The following PDZRN4 variants were observed in gnomAD, a reference collection of about 807,000 sequenced individuals.
PDZRN4 encodes PDZ domain-containing RING finger protein 4.
In PDZRN4, 70 loss-of-function variants were observed where a neutral mutation model predicts 99.0. That is an observed-to-expected ratio of 0.71 (90% CI 0.58 to 0.86). PDZRN4 has a LOEUF of 0.86. Among genes scored for constraint, PDZRN4 ranks in the 40% least tolerant of loss-of-function variants. PDZRN4 has a pLI of 0.00. For synonymous variants in PDZRN4, 551 were observed against 501.6 expected (o/e 1.10, Z -1.32); for missense variants, 1,474 against 1,331.2 (o/e 1.11, Z -1.67).
chr12:41,540,903 CGTTGTT>C (rs199757826), intron 5 of PDZRN4, among the ~76,000 whole-genome samples: 48 of 50,298 alleles, frequency 9.5e-4, no homozygotes, highest in East Asian at 1.7e-3. Flanking sequence ...CCCTTTTCTT[CGTTGTT>C]GTTGTTGTTG....
intron 3 of PDZRN4, among the ~76,000 whole-genome samples, chr12:41,267,473 C>T (rs6582291): frequency 0.16 from 23,899 of 151,860 alleles, 2,997 homozygotes; most frequent in African/African-American, 0.35. Context: ...GGTTTTCCAT[C>T]GAATCAGAGG....
chr12:41,309,903 T>G (rs1225438263), intron 3 of PDZRN4, among the ~76,000 whole-genome samples: 1 of 152,060 alleles, frequency 6.6e-6, no homozygotes, highest in African/African-American at 2.4e-5. Context: ...AAGCTATCTC[T>G]TTTCACTATT....
intron 3 of PDZRN4, among the ~76,000 whole-genome samples, chr12:41,354,934 T>C (rs1951915853): frequency 6.6e-6 from 1 of 152,080 alleles, no homozygotes; most frequent in Admixed American, 6.6e-5. Flanking sequence ...TATATTTCCA[T>C]GTTACTGTAA....
chr12:41,269,471 T>C (rs892115003), intron 3 of PDZRN4, among the ~76,000 whole-genome samples: 2 of 152,184 alleles, frequency 1.3e-5, no homozygotes, highest in African/African-American at 2.4e-5. Context: ...TTTCATGGCT[T>C]CTGATGCATT....
chr12:41,202,245 C>T (rs1339676612), intron 3 of PDZRN4, among the ~76,000 whole-genome samples: 3 of 152,024 alleles, frequency 2.0e-5, no homozygotes, highest in African/African-American at 7.2e-5. Flanking sequence ...TTACCAGTAG[C>T]CCCAGCTGTG....
intron 3 of PDZRN4, among the ~76,000 whole-genome samples, chr12:41,304,732 T>A (rs1951558306): frequency 6.6e-6 from 1 of 152,182 alleles, no homozygotes; most frequent in Non-Finnish European, 1.5e-5. Context: ...GGATAAGAGA[T>A]GCAAGCAAAC....
intron 3 of PDZRN4, among the ~76,000 whole-genome samples, chr12:41,314,618 T>G (rs186956650): frequency 1.2e-4 from 18 of 152,266 alleles, no homozygotes; most frequent in Admixed American, 1.2e-3. Flanking sequence ...CATGCATGAA[T>G]AAAAATGTAG....
At chr12:41,459,723 T>G (rs759172756) in intron 3 of PDZRN4, among the ~76,000 whole-genome samples, 1 of 152,244 alleles carries the variant, frequency 6.6e-6, no homozygotes, top group Non-Finnish European at 1.5e-5. Context: ...TATTAGACAC[T>G]ATAAATCATT....
chr12:41,251,837 G>T (rs1002460684), intron 3 of PDZRN4, among the ~76,000 whole-genome samples: 3 of 152,040 alleles, frequency 2.0e-5, no homozygotes, highest in African/African-American at 7.2e-5. Flanking sequence ...AAAATAAGGC[G>T]AGGCATGGTG....
chr12:41,532,549 T>C (rs1323600241), intron 5 of PDZRN4, among the ~76,000 whole-genome samples: 1 of 152,204 alleles, frequency 6.6e-6, no homozygotes, highest in Non-Finnish European at 1.5e-5. Flanking sequence ...TTTCTCTAGG[T>C]CCTCTTTAAT....
intron 5 of PDZRN4, among the ~76,000 whole-genome samples, chr12:41,536,738 A>G (rs1297214615): frequency 6.8e-6 from 1 of 147,976 alleles, no homozygotes; most frequent in African/African-American, 2.5e-5. Context: ...AACTGCCTGA[A>G]AAAAATAACA....
chr12:41,478,584 A>G (rs1053657037), intron 3 of PDZRN4, among the ~76,000 whole-genome samples: 16 of 152,214 alleles, frequency 1.1e-4, no homozygotes, highest in African/African-American at 3.6e-4. Flanking sequence ...TGAAGCCAAG[A>G]CACAAACTAA....
At chr12:41,316,412 T>A (rs1951638241) in intron 3 of PDZRN4, among the ~76,000 whole-genome samples, 1 of 151,494 alleles carries the variant, frequency 6.6e-6, no homozygotes, top group Admixed American at 6.6e-5. Flanking sequence ...GCATTTCTAA[T>A]GAGCAGCTCT....
At chr12:41,411,244 T>C (rs1182536240) in intron 3 of PDZRN4, among the ~76,000 whole-genome samples, 1 of 151,896 alleles carries the variant, frequency 6.6e-6, no homozygotes, top group African/African-American at 2.4e-5. Flanking sequence ...TTAGAACAAA[T>C]AAAACCACTG....
At chr12:41,539,865 T>C (rs10880095) in intron 5 of PDZRN4, among the ~76,000 whole-genome samples, 21,217 of 152,134 alleles carry the variant, frequency 0.14, 1,944 homozygotes, top group Non-Finnish European at 0.2. Flanking sequence ...CTGAAATAGA[T>C]ACATGTAGAC....
chr12:41,374,698 G>T (rs552229073), intron 3 of PDZRN4, among the ~76,000 whole-genome samples: 1 of 152,324 alleles, frequency 6.6e-6, no homozygotes, highest in African/African-American at 2.4e-5. Flanking sequence ...CCTTAGGGAA[G>T]TTGGCTACCA....
chr12:41,309,107 A>C (rs1317916197), intron 3 of PDZRN4, among the ~76,000 whole-genome samples: 1 of 152,200 alleles, frequency 6.6e-6, no homozygotes, highest in Non-Finnish European at 1.5e-5. Context: ...CTAGAAGAAA[A>C]TATAGGATCT....
At chr12:41,401,212 A>G (rs1375244917) in intron 3 of PDZRN4, among the ~76,000 whole-genome samples, 1 of 152,126 alleles carries the variant, frequency 6.6e-6, no homozygotes, top group Admixed American at 6.6e-5. Context: ...ACAAATTGTC[A>G]CCAACTTAAC....
intron 3 of PDZRN4, among the ~76,000 whole-genome samples, chr12:41,228,855 A>G (rs1951012220): frequency 6.6e-6 from 1 of 152,060 alleles, no homozygotes; most frequent in African/African-American, 2.4e-5. Flanking sequence ...TTGTGTTTTT[A>G]TATGTGAAAT....
Sources: allele counts gnomAD v4.1 joint callset (sites outside exome capture counted in the v4.1 genomes callset), GRCh38; gene constraint gnomAD v4.1.1; transcripts MANE v1.5; gene names NCBI Gene and HGNC (gene_info 2026-07-23, HGNC 2026-07-21).